IQGAP2: variants seen among roughly 807,000 people sequenced by gnomAD.
IQGAP2 encodes ras GTPase-activating-like protein IQGAP2.
IQGAP2 carries 173 observed loss-of-function variants against 201.3 expected under a neutral mutation model. The ratio of observed to expected loss-of-function variants is 0.86; its 90% confidence interval spans 0.76 to 0.98. IQGAP2 has a LOEUF of 0.98. Ranked by LOEUF, IQGAP2 falls within the 50% of genes least tolerant of loss-of-function variation. The probability of loss-of-function intolerance (pLI) is 0.00; values close to 1 mark genes in which losing one functional copy is unlikely to be tolerated. For missense variants in IQGAP2, 1,687 were observed against 1,864.8 expected, an observed-to-expected ratio of 0.90 and a Z score of 1.76; for synonymous variants, 675 against 673.9, an observed-to-expected ratio of 1.00 and a Z score of -0.03.
rs754268711 is a variant in IQGAP2 at position 76,609,831 on chromosome 5, TTA to T, written c.1358-1179_1358-1178del. On this transcript the variant is annotated intron_variant, in intron 12 of 35. Transcript: ENST00000274364. ...TTGGCAGTGTGTGTATATGTGTGTTTTATATATATATGTGTGTGTGTGTGTGT... is the reference window on the plus strand; with the variant it reads ...TTGGCAGTGTGTGTATATGTGTGTTTTATATATATGTGTGTGTGTGTGTGT... 4.1e-3 allele frequency among the ~76,000 whole-genome samples: 587 copies of T among 142,910 alleles called. 3 individuals carry two copies. The highest frequency in any genetic ancestry group is 0.014 in the African/African-American group (520 of 37,366). 93.8% of individuals were successfully genotyped at this position (142,910 alleles called of 152,430 possible).
rs118085751 is a variant in IQGAP2, at chr5:76,444,056, G to C, written c.47-17514G>C. On this transcript the variant is annotated intron_variant, in intron 1 of 35. Coordinates refer to ENST00000274364, the MANE Select transcript of IQGAP2 (RefSeq NM_006633.5). ...GTAATAGAAATAAATGGGAGAGAAG[G>C]CTCTTCCTCACAATAGTAGAAAGAA... Among the ~76,000 whole-genome samples the C allele has an allele frequency of 9.5e-4, 145 of 152,144 alleles. 3 individuals carry two copies. The East Asian group carries it at 0.019, about 20-fold the overall frequency.
intron 5 of IQGAP2, among the ~76,000 whole-genome samples, chr5:76,580,159 A>C (rs145441996): frequency 0.22 from 32,961 of 151,828 alleles, 4,081 homozygotes; most frequent in East Asian, 0.47. Context: ...GCCTATAATC[A>C]CAGCTACTCG....
Position 76,693,375 on chromosome 5 carries a change from A to G in IQGAP2, c.3926A>G (p.Asp1309Gly), listed in dbSNP as rs1746446056. The G allele has an allele frequency of 1.2e-6, 2 of 1,613,512 alleles. No individual in the cohort carries two copies. Among genetic ancestry groups the G allele is most frequent in the Non-Finnish European group, 1.7e-6 (2 of 1,179,674 alleles). Reference protein sequence around the residue: ...LMIKTKKLIIDVIRNQPGNTL... With the variant: ...LMIKTKKLIIGVIRNQPGNTL... ...TTAAGGACCAAGAAGCTGATAATTG[A>G]TGTGATCCGGAACCAGCCAGGGAAC... The change falls in exon 31 of 36, where the codon GAT becomes GGT. Residue 1309 changes from aspartate to glycine, a missense_variant. By Grantham distance (94) the Asp-to-Gly change is moderately conservative (BLOSUM62 -1). Transcript: ENST00000274364.
Position 76,541,908 on chromosome 5 carries a change from T to A in IQGAP2, c.147-20488T>A, listed in dbSNP as rs76267519. On this transcript the variant is annotated intron_variant, in intron 2 of 35. Transcript: ENST00000274364. ...TGAGAACATGCAGAGCATAGTTTCATCTCCTTTGAAATACTGTAATAAGAG... is the reference window on the plus strand; with the variant it reads ...TGAGAACATGCAGAGCATAGTTTCAACTCCTTTGAAATACTGTAATAAGAG... Among the ~76,000 whole-genome samples the A allele has an allele frequency of 6.5e-3, 995 of 152,328 alleles. 13 individuals are homozygous for A. The highest frequency in any genetic ancestry group is 0.023 in the African/African-American group (938 of 41,564).
At chr5:76,525,271 G>A (rs192355862) in intron 2 of IQGAP2, among the ~76,000 whole-genome samples, 1 of 152,346 alleles carries the variant, frequency 6.6e-6, no homozygotes, top group East Asian at 1.9e-4. Context: ...TTACATGCCA[G>A]CCGGCAATGC....
intron 30 of IQGAP2, among the ~76,000 whole-genome samples, chr5:76,689,808 C>T (rs1390356372): frequency 6.6e-6 from 1 of 152,064 alleles, no homozygotes; most frequent in East Asian, 1.9e-4. Flanking sequence ...CCTTAGTTTC[C>T]ACAAACACTG....
chr5:76,680,766 G>A (rs1303829491), intron 28 of IQGAP2, among the ~76,000 whole-genome samples: 1 of 148,574 alleles, frequency 6.7e-6, no homozygotes, highest in Non-Finnish European at 1.5e-5. Flanking sequence ...ACCCTAACCT[G>A]GGTGACAGAG....
chr5:76,452,055 T>C (rs1753787555), intron 1 of IQGAP2, among the ~76,000 whole-genome samples: 1 of 151,562 alleles, frequency 6.6e-6, no homozygotes, highest in South Asian at 2.1e-4. Context: ...AAAAATTTAA[T>C]CTCTTGTTAT....
At chr5:76,483,830 G>C (rs1297509401) in intron 2 of IQGAP2, among the ~76,000 whole-genome samples, 1 of 152,154 alleles carries the variant, frequency 6.6e-6, no homozygotes, top group Non-Finnish European at 1.5e-5. Context: ...AGCAGAATTG[G>C]GGGGATGGGG....
chr5:76,433,431 T>C (rs1752484813), intron 1 of IQGAP2, among the ~76,000 whole-genome samples: 1 of 152,188 alleles, frequency 6.6e-6, no homozygotes, highest in African/African-American at 2.4e-5. Context: ...CAGCTGTTGT[T>C]GCAGCTAAAT....
chr5:76,512,830 G>A (rs931702298), intron 2 of IQGAP2, among the ~76,000 whole-genome samples: 1 of 152,238 alleles, frequency 6.6e-6, no homozygotes, highest in Admixed American at 6.5e-5. Flanking sequence ...GCCGAGGCAG[G>A]CAGATCACGA....
chr5:76,420,597 G>A (rs1284562510), intron 1 of IQGAP2, among the ~76,000 whole-genome samples: 7 of 152,078 alleles, frequency 4.6e-5, no homozygotes, highest in African/African-American at 9.7e-5. Flanking sequence ...GGCTGGTCTC[G>A]AACTCTTGAC....
At chr5:76,602,692 A>G (rs1747510533) in intron 11 of IQGAP2, among the ~76,000 whole-genome samples, 1 of 152,072 alleles carries the variant, frequency 6.6e-6, no homozygotes, top group Non-Finnish European at 1.5e-5. Flanking sequence ...GCCCCAAATG[A>G]TCTTCTACAG....
intron 4 of IQGAP2, among the ~76,000 whole-genome samples, chr5:76,571,478 C>A (rs1415968360): frequency 6.6e-6 from 1 of 152,140 alleles, no homozygotes; most frequent in Non-Finnish European, 1.5e-5. Flanking sequence ...AGCTACCATG[C>A]CCGGCGTATA....
At chr5:76,562,806 G>A (rs1264063150) in intron 3 of IQGAP2, among the ~76,000 whole-genome samples, 1 of 152,150 alleles carries the variant, frequency 6.6e-6, no homozygotes, top group Non-Finnish European at 1.5e-5. Flanking sequence ...CTTCAGGGAA[G>A]TCACTCTTGA....
At chr5:76,618,379 G>A in intron 13 of IQGAP2, 1 of 1,614,174 alleles carries the variant, frequency 6.2e-7, no homozygotes. Flanking sequence ...GCATTGGCCG[G>A]GACACCAACT....
chr5:76,656,724 T>C (rs1742766048), intron 20 of IQGAP2, among the ~76,000 whole-genome samples: 2 of 152,142 alleles, frequency 1.3e-5, no homozygotes, highest in Non-Finnish European at 2.9e-5. Flanking sequence ...TCTAGGCAAC[T>C]TTATATTGGG....
At chr5:76,704,472 G>A (rs750700087) in intron 35 of IQGAP2, among the ~76,000 whole-genome samples, 3 of 152,188 alleles carry the variant, frequency 2.0e-5, no homozygotes, top group Non-Finnish European at 2.9e-5. Context: ...AGTAAGATTA[G>A]CTGTTCATAC....
At chr5:76,587,822 T>TG in intron 5 of IQGAP2, among the ~76,000 whole-genome samples, 1 of 152,030 alleles carries the variant, frequency 6.6e-6, no homozygotes, top group East Asian at 1.9e-4. Context: ...GGCATGCACC[T>TG]GTAATCCCAG....
Sources: allele counts gnomAD v4.1 joint callset (sites outside exome capture counted in the v4.1 genomes callset), GRCh38; gene constraint gnomAD v4.1.1; transcripts MANE v1.5; gene names NCBI Gene and HGNC (gene_info 2026-07-23, HGNC 2026-07-21).